The following CYP3A43 variants were observed in gnomAD, a reference collection of about 807,000 sequenced individuals.
The protein encoded by CYP3A43 is cytochrome P450 family 3 subfamily A member 43, also known as cytochrome P450 3A43.
A neutral mutation model predicts 58.0 loss-of-function variants in CYP3A43; 45 were observed. The observed-to-expected ratio is 0.78, with a 90% CI of 0.61 to 0.99. The LOEUF (loss-of-function observed/expected upper bound fraction) is 0.99, where lower values mean the gene tolerates loss of function less well. CYP3A43 is among the 50% of genes least tolerant of loss of function. The pLI, the probability that CYP3A43 is intolerant of heterozygous loss-of-function variation, is 0.00. For synonymous variants in CYP3A43, 191 were observed against 201.4 expected, an observed-to-expected ratio of 0.95 and a Z score of 0.44; for missense variants, 593 against 591.9, an observed-to-expected ratio of 1.00 and a Z score of -0.02.
intron 1 of CYP3A43, among the ~76,000 whole-genome samples, chr7:99,834,249 A>C (rs1246317490): frequency 6.6e-6 from 1 of 152,158 alleles, no homozygotes; most frequent in Non-Finnish European, 1.5e-5. Context: ...GCAGTTGAGC[A>C]TATAGATGGG....
At chr7:99,847,390 T>A in intron 4 of CYP3A43, 98 bp from the exon 5 acceptor site, 1 of 1,266,226 alleles carries the variant, frequency 7.9e-7, no homozygotes, top group Non-Finnish European at 1.1e-6. Flanking sequence ...AGTTACTAAA[T>A]ATTTGTTAAA....
intron 11 of CYP3A43, 45 bp from the exon 12 acceptor site, chr7:99,863,492 T>G (rs1180974786): frequency 1.3e-6 from 2 of 1,519,214 alleles, no homozygotes; most frequent in Middle Eastern, 3.5e-4. Context: ...TTTTAATAGT[T>G]TTTATGTTTC....
rs1450556136 is a variant in CYP3A43 at position 99,836,541 on chromosome 7, C to T, written c.160C>T (p.Leu54Phe). Residue 54 changes from leucine (L) to phenylalanine (F), a missense_variant, in exon 2 of 13, where the codon CTT becomes TTT. Coordinates refer to ENST00000354829, the MANE Select transcript of CYP3A43 (RefSeq NM_057095.3). Reference sequence around the variant, plus strand: ...TTTTCTGGGAACTATTTTGTTCTACCTTAGGGTAAGTGTTATTTGAGCTCC... The same window carrying T: ...TTTTCTGGGAACTATTTTGTTCTACTTTAGGGTAAGTGTTATTTGAGCTCC... Reference protein sequence around the residue: ...LPFLGTILFYLRGLWNFDREC... With the variant: ...LPFLGTILFYFRGLWNFDREC... 6.3e-7 allele frequency: 1 copy of T among 1,587,474 alleles called. No individual in the cohort carries two copies.
intron 1 of CYP3A43, among the ~76,000 whole-genome samples, chr7:99,834,609 G>A (rs369997147): frequency 2.0e-5 from 3 of 152,312 alleles, no homozygotes; most frequent in East Asian, 3.9e-4. Flanking sequence ...CCGATGCCAA[G>A]TGCGGCTTAG....
chr7:99,837,081 G>A (rs1174058569), intron 2 of CYP3A43, among the ~76,000 whole-genome samples: 1 of 151,076 alleles, frequency 6.6e-6, no homozygotes, highest in East Asian at 1.9e-4. Flanking sequence ...CGAGACGGGC[G>A]GATCACGAGG....
At chr7:99,853,160 T>G (rs1417549652) in intron 7 of CYP3A43, among the ~76,000 whole-genome samples, 1 of 152,230 alleles carries the variant, frequency 6.6e-6, no homozygotes, top group Non-Finnish European at 1.5e-5. Flanking sequence ...TGAAAGTGTT[T>G]GTAGAATGGA....
chr7:99,849,703 A>T lies in CYP3A43; in HGVS notation c.670+9A>T, dbSNP rs372099176. 9.6e-6 allele frequency: 15 copies of T among 1,562,334 alleles called. No homozygotes were observed. In the African/African-American group the frequency reaches 2.1e-4, roughly 22 times the overall value. On this transcript the variant is annotated intron_variant, in intron 7 of 12. Coordinates refer to ENST00000354829, the MANE Select transcript of CYP3A43 (RefSeq NM_057095.3). Reference sequence around the variant, plus strand: ...CTTTTTACTCTTAATATGTATGTGGACTTTTATGTTATTTCTCTCTCTCTC... The same window carrying T: ...CTTTTTACTCTTAATATGTATGTGGTCTTTTATGTTATTTCTCTCTCTCTC...
In CYP3A43 at chr7:99,859,872, T is replaced by C. The variant is rs1818155409; in HGVS notation, c.908T>C (p.Ile303Thr). 36 of 1,614,202 alleles carry C rather than the reference T, an allele frequency of 2.2e-5. No homozygotes were observed. Among genetic ancestry groups the C allele is most frequent in the African/African-American group, 2.7e-5 (2 of 75,042 alleles). Residue 303 changes from isoleucine (I) to threonine (T), a missense_variant, in exon 10 of 13, where the codon ATT becomes ACT. Physicochemically the swap from Ile to Thr is moderately conservative, Grantham distance 89. Transcript: ENST00000354829. ...LELVAQSIII[I>T]FAAYDTTSTT... ...CTTGTGGCCCAGTCAATTATCATCA[T>C]TTTTGCTGCCTATGACACAACTAGC...
At chr7:99,852,731 T>C (rs1817810071) in intron 7 of CYP3A43, among the ~76,000 whole-genome samples, 2 of 152,198 alleles carry the variant, frequency 1.3e-5, no homozygotes, top group African/African-American at 4.8e-5. Context: ...TTCATGATCT[T>C]AGGGGGAAAG....
At chr7:99,840,178 C>A (rs1817275737) in intron 3 of CYP3A43, among the ~76,000 whole-genome samples, 1 of 152,196 alleles carries the variant, frequency 6.6e-6, no homozygotes, top group South Asian at 2.1e-4. Flanking sequence ...AAAAGGGAAG[C>A]TTTGCTGAGG....
rs1298368637 is a variant in CYP3A43, at chr7:99,839,381, A to G, written c.218+209A>G. The stretch of plus-strand genomic sequence containing the variant: ...GCGTGTCATAGGAAACTCCATGCAT[A>G]TTCAGTATGTGAACAAAAATAAAAT... On this transcript the variant is annotated intron_variant, in intron 3 of 12. Transcript: ENST00000354829. 1.8e-5 allele frequency: 13 copies of G among 711,600 alleles called. No individual in the cohort carries two copies. In the East Asian group the frequency reaches 3.3e-4, roughly 18 times the overall value. 44.1% of individuals were successfully genotyped at this position (711,600 alleles called of 1,614,324 possible).
At chr7:99,840,099 G>A (rs1259784811) in intron 3 of CYP3A43, among the ~76,000 whole-genome samples, 1 of 152,162 alleles carries the variant, frequency 6.6e-6, no homozygotes, top group Admixed American at 6.5e-5. Flanking sequence ...GCTTATCGAT[G>A]TCTGCAGCTT....
rs1449207576 is a variant in CYP3A43 at position 99,859,832 on chromosome 7, C to G, written c.868C>G (p.Leu290Val). The change falls in exon 10 of 13, where the codon CTG becomes GTG. Residue 290 changes from leucine to valine, a missense_variant and splice_region_variant. By Grantham distance (32) the Leu-to-Val change is conservative. Transcript: ENST00000354829. The stretch of plus-strand genomic sequence containing the variant: ...AAATATATTTCCTCTCCTTTCAGCT[C>G]TGTCTGATCTGGAGCTTGTGGCCCA... ...NSKETKSHKA[L>V]SDLELVAQSI... 2 of 1,614,044 alleles carry G rather than the reference C, an allele frequency of 1.2e-6. No homozygotes were observed. Among genetic ancestry groups the G allele is most frequent in the African/African-American group, 2.7e-5 (2 of 74,928 alleles).
intron 1 of CYP3A43, among the ~76,000 whole-genome samples, chr7:99,832,715 A>G (rs1359912257): frequency 6.6e-6 from 1 of 151,878 alleles, no homozygotes; most frequent in Non-Finnish European, 1.5e-5. Context: ...AAACAAAACA[A>G]CAAAACAAGA....
At chr7:99,849,738 T>C (rs1383373369) in intron 7 of CYP3A43, 44 bp downstream of exon 7, 5 of 1,500,644 alleles carry the variant, frequency 3.3e-6, no homozygotes. Context: ...CTCTCTCTCA[T>C]CTAATTTTTA....
chr7:99,863,770 A>C (rs2151628704), intron 12 of CYP3A43, 71 bp downstream of exon 12: 1 of 1,220,882 alleles, frequency 8.2e-7, no homozygotes, highest in Non-Finnish European at 1.1e-6. Context: ...TTTTTTAAAA[A>C]TTATTGTTCA....
chr7:99,836,702 C>T (rs959948871), intron 2 of CYP3A43, among the ~76,000 whole-genome samples, 156 bp downstream of exon 2: 1 of 152,092 alleles, frequency 6.6e-6, no homozygotes, highest in African/African-American at 2.4e-5. Context: ...CAGGTTTATA[C>T]CAGGACTCTC....
chr7:99,829,291 C>T (rs1469994771), intron 1 of CYP3A43, among the ~76,000 whole-genome samples: 1 of 152,210 alleles, frequency 6.6e-6, no homozygotes, highest in African/African-American at 2.4e-5. Flanking sequence ...CTGTACAATA[C>T]TTGAAGAGAT....
intron 11 of CYP3A43, among the ~76,000 whole-genome samples, chr7:99,863,001 G>C (rs1298449891): frequency 3.9e-5 from 6 of 152,160 alleles, no homozygotes; most frequent in Admixed American, 1.3e-4. Flanking sequence ...CAGGAACTGG[G>C]CCAGGCAGTG....
Sources: allele counts gnomAD v4.1 joint callset (sites outside exome capture counted in the v4.1 genomes callset), GRCh38; gene constraint gnomAD v4.1.1; transcripts MANE v1.5; gene names NCBI Gene and HGNC (gene_info 2026-07-23, HGNC 2026-07-21).